GNAS-AS1: variants seen among roughly 807,000 people sequenced by gnomAD.
GNAS-AS1 encodes the protein GNAS antisense RNA 1 (non-protein coding).
At chr20:58,845,480 C>T (rs993354973) in intron 2 of GNAS-AS1, among the ~76,000 whole-genome samples, 1 of 152,104 alleles carries the variant, frequency 6.6e-6, no homozygotes. Context: ...CGCACCGCAT[C>T]CCCCAAAACC....
At chr20:58,839,195 T>C (rs1341151418) in intron 4 of GNAS-AS1, 1 of 398,462 alleles carries the variant, frequency 2.5e-6, no homozygotes, top group Non-Finnish European at 4.4e-6. Flanking sequence ...ATGAGGTAAT[T>C]AGCCAATTCA....
At chr20:58,819,353 C>G in intron 4 of GNAS-AS1, 1 of 397,742 alleles carries the variant, frequency 2.5e-6, no homozygotes, top group Non-Finnish European at 4.4e-6. Context: ...TCACCTGCGG[C>G]ATGATCGCCT....
intron 4 of GNAS-AS1, among the ~76,000 whole-genome samples, chr20:58,820,488 G>T (rs1360606927): frequency 6.6e-6 from 1 of 152,230 alleles, no homozygotes; most frequent in Non-Finnish European, 1.5e-5. Context: ...GGCCAAGGAA[G>T]ATTCCAGAAG....
At chr20:58,847,973 C>T (rs557967402) in intron 2 of GNAS-AS1, among the ~76,000 whole-genome samples, 41 of 152,332 alleles carry the variant, frequency 2.7e-4, no homozygotes, top group Admixed American at 7.8e-4. Flanking sequence ...GCATCACGTG[C>T]GGCTTCCAAG....
At chr20:58,831,704 C>T (rs4812035) in intron 4 of GNAS-AS1, among the ~76,000 whole-genome samples, 88,463 of 152,056 alleles carry the variant, frequency 0.58, 26,674 homozygotes, top group East Asian at 0.8. Flanking sequence ...CAGTTTTATT[C>T]ATTCATTCAT....
intron 4 of GNAS-AS1, among the ~76,000 whole-genome samples, chr20:58,828,569 G>A (rs2085534998): frequency 2.0e-5 from 3 of 152,180 alleles, no homozygotes; most frequent in Admixed American, 6.5e-5. Flanking sequence ...GCTGAGACTC[G>A]ATCTCTCCAG....
In GNAS-AS1 at chr20:58,838,794, G is replaced by GT. The variant is rs201781033; in HGVS notation, n.819+3142dup. 5.8e-3 allele frequency: 2,257 copies of GT among 389,764 alleles called. 51 individuals are homozygous for GT. The highest frequency in any genetic ancestry group is 0.042 in the African/African-American group (2,054 of 48,366). The allele number at this position is 389,764 out of a possible 1,614,324, so 24.1% of individuals were successfully genotyped here. On this transcript the variant is annotated intron_variant and non_coding_transcript_variant, in intron 4 of 4. Coordinates refer to ENST00000424094, the Ensembl canonical transcript of GNAS-AS1. ...TAGCCGAGCGTAGTGGTGCACGCCT[G>GT]TAATCCCAGCTACTCAGGAGGCTTA...
At position 58,844,771 on chromosome 20, in the gene GNAS-AS1, C is replaced by T. The variant is rs556288987; in HGVS notation, n.414-2226G>A. On this transcript the variant is annotated intron_variant and non_coding_transcript_variant, in intron 2 of 4. Coordinates refer to ENST00000424094, the Ensembl canonical transcript of GNAS-AS1. ...AGGTATCGCGCCATTGCACTCCAGC[C>T]CGGCCTACAGTGTGAGACTCCATCT... Among the ~76,000 whole-genome samples the T allele has an allele frequency of 4.0e-5, 6 of 151,788 alleles. No individual in the cohort carries two copies. In the South Asian group the frequency reaches 1.3e-3, roughly 32 times the overall value.
At chr20:58,839,883 T>G (rs1010160378) in intron 4 of GNAS-AS1, 1 of 599,462 alleles carries the variant, frequency 1.7e-6, no homozygotes, top group Non-Finnish European at 3.0e-6. Flanking sequence ...TCCCTTCTTC[T>G]TGCTCAGAGA....
intron 4 of GNAS-AS1, among the ~76,000 whole-genome samples, chr20:58,826,556 T>A (rs932707149): frequency 2.0e-5 from 3 of 152,126 alleles, no homozygotes; most frequent in African/African-American, 7.2e-5. Flanking sequence ...GCTTAAACTG[T>A]TTAGATCCTG....
At position 58,841,198 on chromosome 20, in the gene GNAS-AS1, G is replaced by A. The variant is rs1376077930; in HGVS notation, n.819+739C>T. The A allele has an allele frequency of 1.7e-6, 1 of 576,520 alleles. No homozygotes were observed. The highest frequency in any genetic ancestry group is 2.6e-6 in the Non-Finnish European group (1 of 391,534). The allele number at this position is 576,520 out of a possible 1,614,324, so 35.7% of individuals were successfully genotyped here. ...GAATCCCGAACGCACCCCAGATTTGGAGCTGCACACCCAAACGGCATTGGT... is the reference window on the plus strand; with the variant it reads ...GAATCCCGAACGCACCCCAGATTTGAAGCTGCACACCCAAACGGCATTGGT... On this transcript the variant is annotated intron_variant and non_coding_transcript_variant, in intron 4 of 4. Coordinates refer to ENST00000424094, the Ensembl canonical transcript of GNAS-AS1. This position sits in a 1 kb window ranked among gnomAD's most constrained non-coding sequence, Gnocchi z 5.0.
In GNAS-AS1 at chr20:58,840,882, T is replaced by C. The variant is rs1305362189; in HGVS notation, n.819+1055A>G. ...TCCAGATTCTCCTTGTTTTCATGGA[T>C]TCAGGTTAGTTGCCCACCGCTAAAC... On this transcript the variant is annotated intron_variant and non_coding_transcript_variant, in intron 4 of 4. Coordinates refer to ENST00000424094, the Ensembl canonical transcript of GNAS-AS1. The surrounding 1 kb of genome is among the most constrained non-coding windows in gnomAD (Gnocchi z 6.0). 1 of 1,612,504 alleles carries C rather than the reference T, an allele frequency of 6.2e-7. No homozygotes were observed. The highest frequency in any genetic ancestry group is 1.3e-5 in the African/African-American group (1 of 75,016).
chr20:58,839,723 C>G (rs1015569363), intron 4 of GNAS-AS1: 2 of 489,094 alleles, frequency 4.1e-6, no homozygotes, highest in African/African-American at 3.9e-5. Flanking sequence ...TTCGCAGAAC[C>G]TCACTGCCCG....
chr20:58,842,363 T>G, intron 3 of GNAS-AS1: 1 of 398,204 alleles, frequency 2.5e-6, no homozygotes, highest in East Asian at 3.6e-5. Context: ...TAAAGCGTTT[T>G]GAGGGCTTGA....
intron 2 of GNAS-AS1, among the ~76,000 whole-genome samples, chr20:58,846,510 C>T (rs1219815950): frequency 1.3e-5 from 2 of 152,212 alleles, no homozygotes; most frequent in African/African-American, 4.8e-5. Flanking sequence ...AATTGCTACA[C>T]TCAAAGAGAA....
chr20:58,840,940 A>G lies in GNAS-AS1; in HGVS notation n.819+997T>C, dbSNP rs1800905. The G allele has an allele frequency of 0.64, 1,008,579 of 1,583,672 alleles. 324,911 individuals are homozygous for G. Among genetic ancestry groups the G allele is most frequent in the East Asian group, 0.78 (34,365 of 44,116 alleles). ...CCTGAGGGCGGTGTGGGAGCAGCGC[A>G]GGTGGAAAGGAGGTGAGAAGGAAAG... On this transcript the variant is annotated intron_variant and non_coding_transcript_variant, in intron 4 of 4. Transcript: ENST00000424094. The surrounding 1 kb of genome is among the most constrained non-coding windows in gnomAD (Gnocchi z 6.0).
At chr20:58,826,178 T>C (rs960979601) in intron 4 of GNAS-AS1, 2 of 398,432 alleles carry the variant, frequency 5.0e-6, no homozygotes, top group African/African-American at 4.1e-5. Flanking sequence ...ACTTCTCTTT[T>C]AAAAGTGCTA....
In GNAS-AS1 at chr20:58,830,362, C is replaced by CAAT. The variant is rs1223902015; in HGVS notation, n.820-11108_820-11107insATT. On this transcript the variant is annotated intron_variant and non_coding_transcript_variant, in intron 4 of 4. Transcript: ENST00000424094. ...CATCACCACCACACCACCATCACCA[C>CAAT]CACCACAACACCATCACCACAATCA... is the stretch of plus-strand genomic sequence containing the variant. Among the ~76,000 whole-genome samples the CAAT allele has an allele frequency of 3.0e-4, 43 of 143,822 alleles. 5 individuals carry two copies. The highest frequency in any genetic ancestry group is 6.6e-4 in the African/African-American group (25 of 37,982). The allele number at this position is 143,822 out of a possible 152,430, so 94.4% of individuals were successfully genotyped here.
At chr20:58,835,650 G>A (rs1255832299) in intron 4 of GNAS-AS1, among the ~76,000 whole-genome samples, 3 of 152,160 alleles carry the variant, frequency 2.0e-5, no homozygotes, top group African/African-American at 7.2e-5. Flanking sequence ...CAGCAATCTG[G>A]TTTTAATATT....
Sources: allele counts gnomAD v4.1 joint callset (sites outside exome capture counted in the v4.1 genomes callset), GRCh38; gene constraint gnomAD v4.1.1; non-coding constraint Gnocchi (gnomAD v3.1); transcripts MANE v1.5; gene names NCBI Gene and HGNC (gene_info 2026-07-23, HGNC 2026-07-21).